Variants in TRHDE observed in about 807,000 individuals in gnomAD.
The protein encoded by TRHDE is thyrotropin releasing hormone degrading enzyme, also known as thyrotropin-releasing hormone-degrading ectoenzyme.
A neutral mutation model predicts 125.7 loss-of-function variants in TRHDE; 72 were observed. The ratio of observed to expected loss-of-function variants is 0.57; its 90% CI spans 0.47 to 0.70. The LOEUF is 0.70. TRHDE is among the 30% of genes least tolerant of loss of function. TRHDE has a pLI of 0.00. For synonymous variants in TRHDE, 509 were observed against 509.1 expected (o/e 1.00, Z 0.00); for missense variants, 1,110 against 1,327.1 (o/e 0.84, Z 2.54).
At chr12:72,580,354 A>G (rs1356552887) in intron 12 of TRHDE, among the ~76,000 whole-genome samples, 1 of 152,208 alleles carries the variant, frequency 6.6e-6, no homozygotes, top group Non-Finnish European at 1.5e-5. Flanking sequence ...TAATCAATTA[A>G]TTGCCTTGCA....
rs1385948723 is a variant in TRHDE at position 72,442,104 on chromosome 12, A to G, written c.1316-27654A>G. ...GTAAATGATGCCGGGATTATTTGGG[A>G]TTTACGTTGGCATCCTGCTTCATCC... On this transcript the variant is annotated intron_variant, in intron 3 of 18. Coordinates refer to ENST00000261180, the MANE Select transcript of TRHDE (RefSeq NM_013381.3). 2.6e-5 allele frequency among the ~76,000 whole-genome samples: 4 copies of G among 151,788 alleles called. No individual in the cohort carries two copies. The East Asian group carries it at 7.7e-4, about 29-fold the overall frequency.
intron 2 of TRHDE, among the ~76,000 whole-genome samples, chr12:72,350,724 A>G (rs931887585): frequency 2.0e-5 from 3 of 152,046 alleles, no homozygotes; most frequent in Non-Finnish European, 4.4e-5. Context: ...TATTCTAAAG[A>G]TTAAGACTGG....
At chr12:72,442,973 G>A (rs1022557240) in intron 3 of TRHDE, among the ~76,000 whole-genome samples, 11 of 151,702 alleles carry the variant, frequency 7.3e-5, no homozygotes, top group African/African-American at 2.4e-4. Flanking sequence ...TTTCAAACTT[G>A]AAAAAGGTAA....
At chr12:72,120,035 G>A (rs1313683918) in intron 2 of TRHDE, among the ~76,000 whole-genome samples, 2 of 151,454 alleles carry the variant, frequency 1.3e-5, no homozygotes, top group African/African-American at 4.9e-5. Flanking sequence ...TGCTATTATT[G>A]ATAAAGTAAG....
At chr12:72,123,803 C>T (rs1457738017) in intron 2 of TRHDE, among the ~76,000 whole-genome samples, 1 of 152,102 alleles carries the variant, frequency 6.6e-6, no homozygotes, top group African/African-American at 2.4e-5. Flanking sequence ...TCCATTATCT[C>T]CAAAGGTTTT....
intron 2 of TRHDE, among the ~76,000 whole-genome samples, chr12:72,223,611 A>G (rs1484081825): frequency 6.6e-6 from 1 of 152,116 alleles, no homozygotes; most frequent in African/African-American, 2.4e-5. Context: ...CAGACCTGTT[A>G]ATGTAATAGA....
chr12:72,129,891 G>A (rs192740556), intron 2 of TRHDE, among the ~76,000 whole-genome samples: 1 of 152,232 alleles, frequency 6.6e-6, no homozygotes, highest in African/African-American at 2.4e-5. Flanking sequence ...AAGCACTTAG[G>A]TGATTTACTA....
chr12:72,466,593 C>A (rs928434885), intron 3 of TRHDE, among the ~76,000 whole-genome samples: 1 of 152,208 alleles, frequency 6.6e-6, no homozygotes, highest in African/African-American at 2.4e-5. Context: ...TATGAACTTA[C>A]AATTCATACC....
intron 3 of TRHDE, among the ~76,000 whole-genome samples, chr12:72,406,081 G>A (rs185085464): frequency 1.4e-4 from 21 of 152,248 alleles, no homozygotes; most frequent in Admixed American, 1.2e-3. Context: ...TTACTAGAAA[G>A]TATTCAGGAA....
chr12:72,345,272 A>T (rs1870266284), intron 2 of TRHDE, among the ~76,000 whole-genome samples: 1 of 152,126 alleles, frequency 6.6e-6, no homozygotes, highest in South Asian at 2.1e-4. Context: ...GACAATGAAG[A>T]AAAAATAAAT....
intron 2 of TRHDE, among the ~76,000 whole-genome samples, chr12:72,222,936 G>T (rs1239437958): frequency 2.6e-5 from 4 of 152,012 alleles, no homozygotes; most frequent in Non-Finnish European, 5.9e-5. Context: ...TTTGCCTCAG[G>T]TGCCAAAGAT....
At chr12:72,300,994 C>T (rs1326508263) in intron 2 of TRHDE, among the ~76,000 whole-genome samples, 1 of 152,150 alleles carries the variant, frequency 6.6e-6, no homozygotes, top group Non-Finnish European at 1.5e-5. Context: ...ACCCACTCTT[C>T]TCTGCTGAAT....
chr12:72,328,140 G>A (rs1869425587), intron 2 of TRHDE, among the ~76,000 whole-genome samples: 1 of 152,138 alleles, frequency 6.6e-6, no homozygotes, highest in South Asian at 2.1e-4. Context: ...CAAATCTGAG[G>A]CCTGAAAAGT....
chr12:72,435,542 T>G lies in TRHDE; in HGVS notation c.1316-34216T>G, dbSNP rs557402268. ...AAAAAATCTTCTAATTTTATGATGT[T>G]AATAACATTGTCCTATTTTTATTGA... is the stretch of plus-strand genomic sequence containing the variant. On this transcript the variant is annotated intron_variant, in intron 3 of 18. Transcript: ENST00000261180. 6.6e-5 allele frequency among the ~76,000 whole-genome samples: 10 copies of G among 152,234 alleles called. No homozygotes were observed. The East Asian group carries it at 1.9e-3, about 29-fold the overall frequency.
intron 6 of TRHDE, among the ~76,000 whole-genome samples, chr12:72,520,129 C>T (rs1285058724): frequency 6.6e-6 from 1 of 152,228 alleles, no homozygotes; most frequent in African/African-American, 2.4e-5. Flanking sequence ...GTGGAGCCTA[C>T]AGAGGCAGGC....
At chr12:72,443,423 T>A (rs1875120723) in intron 3 of TRHDE, among the ~76,000 whole-genome samples, 1 of 151,786 alleles carries the variant, frequency 6.6e-6, no homozygotes, top group African/African-American at 2.4e-5. Flanking sequence ...ACTATGTACT[T>A]AAACTATGTT....
chr12:72,393,871 CTT>C (rs1872694991), intron 3 of TRHDE, among the ~76,000 whole-genome samples: 1 of 152,046 alleles, frequency 6.6e-6, no homozygotes, highest in South Asian at 2.1e-4. Flanking sequence ...ATTAATAAGT[CTT>C]ATTTCTTTCA....
intron 2 of TRHDE, among the ~76,000 whole-genome samples, chr12:72,203,668 T>TAA: frequency 6.6e-6 from 1 of 152,196 alleles, no homozygotes; most frequent in Admixed American, 6.5e-5. Context: ...GTGATATTTC[T>TAA]AATAAACTTT....
intron 3 of TRHDE, among the ~76,000 whole-genome samples, chr12:72,400,130 G>T (rs1872976332): frequency 6.6e-6 from 1 of 151,982 alleles, no homozygotes; most frequent in Admixed American, 6.6e-5. Context: ...GGTGAATATA[G>T]AGTAGATACC....
Sources: allele counts gnomAD v4.1 joint callset (sites outside exome capture counted in the v4.1 genomes callset), GRCh38; gene constraint gnomAD v4.1.1; transcripts MANE v1.5; gene names NCBI Gene and HGNC (gene_info 2026-07-23, HGNC 2026-07-21).